Variants in TTC3 observed in about 807,000 individuals in gnomAD.
The protein encoded by TTC3 is E3 ubiquitin-protein ligase TTC3.
TTC3 carries 180 observed loss-of-function variants against 249.6 expected under a neutral mutation model. The ratio of observed to expected loss-of-function variants is 0.72; its 90% confidence interval spans 0.64 to 0.82. TTC3 has a LOEUF of 0.82. TTC3 is among the 40% of genes least tolerant of loss of function. The probability of loss-of-function intolerance (pLI) is 0.00; values close to 1 mark genes in which losing one functional copy is unlikely to be tolerated. For missense variants in TTC3, 2,061 were observed against 2,398.4 expected (o/e 0.86, Z 2.94); for synonymous variants, 717 against 805.0 (o/e 0.89, Z 1.85).
chr21:37,119,263 T>C (rs977894878), intron 11 of TTC3, among the ~76,000 whole-genome samples: 1 of 149,476 alleles, frequency 6.7e-6, no homozygotes, highest in Non-Finnish European at 1.5e-5. Flanking sequence ...GGGCTAATTT[T>C]TTCCCCACTA....
At chr21:37,160,613 T>C (rs2080625896) in intron 29 of TTC3, among the ~76,000 whole-genome samples, 189 bp from the exon 30 acceptor site, 1 of 152,230 alleles carries the variant, frequency 6.6e-6, no homozygotes, top group African/African-American at 2.4e-5. Flanking sequence ...ACATTAGTAT[T>C]ATTAAATTTT....
At chr21:37,108,249 A>G (rs1382016104) in intron 10 of TTC3, 143 bp from the exon 11 acceptor site, 3 of 642,720 alleles carry the variant, frequency 4.7e-6, no homozygotes, top group Non-Finnish European at 7.5e-6. Flanking sequence ...TATAATGGAC[A>G]TATATTATAT....
intron 34 of TTC3, among the ~76,000 whole-genome samples, chr21:37,168,032 T>C (rs1336790114): frequency 1.3e-5 from 2 of 152,096 alleles, no homozygotes; most frequent in East Asian, 3.8e-4. Flanking sequence ...TTCTCTACTA[T>C]AATAATGATT....
exon 12 of TTC3, chr21:37,121,895 A>G (rs1409083093): frequency 6.2e-7 from 1 of 1,613,246 alleles, no homozygotes; most frequent in African/African-American, 1.3e-5. Context: ...AAAAGCTCAA[A>G]AACTCTGTAA....
intron 11 of TTC3, among the ~76,000 whole-genome samples, chr21:37,120,716 C>T (rs577862389): frequency 1.3e-5 from 2 of 152,282 alleles, no homozygotes; most frequent in Admixed American, 6.5e-5. Context: ...TAGAGCCACA[C>T]GGTACCCCAG....
chr21:37,086,208 G>A (rs2072447625), intron 1 of TTC3: 1 of 152,188 alleles, frequency 6.6e-6, no homozygotes, highest in Admixed American at 6.5e-5. Flanking sequence ...TCAAGGACTG[G>A]TAGTGTTCTT....
intron 11 of TTC3, among the ~76,000 whole-genome samples, chr21:37,114,974 T>A (rs8131234): frequency 0.45 from 68,568 of 151,386 alleles, 16,082 homozygotes; most frequent in Non-Finnish European, 0.52. Flanking sequence ...TAGGTGGGAA[T>A]TGAACAATGA....
At chr21:37,122,452 T>TAA (rs2076695980) in intron 12 of TTC3, among the ~76,000 whole-genome samples, 1 of 141,480 alleles carries the variant, frequency 7.1e-6, no homozygotes, top group Non-Finnish European at 1.5e-5. Context: ...TATATATATA[T>TAA]AATGTTTTTT....
chr21:37,130,906 T>C (rs1360293226), intron 16 of TTC3, among the ~76,000 whole-genome samples: 3 of 152,224 alleles, frequency 2.0e-5, no homozygotes, highest in African/African-American at 7.2e-5. Context: ...AAATAATGTA[T>C]AGAAGTTGTT....
At chr21:37,191,861 T>G (rs1054001205) in intron 40 of TTC3, among the ~76,000 whole-genome samples, 1 of 152,350 alleles carries the variant, frequency 6.6e-6, no homozygotes, top group Admixed American at 6.5e-5. Flanking sequence ...AGTGCTGGGA[T>G]TGCAGGTGTG....
At chr21:37,144,573 T>C (rs986125216) in exon 21 of TTC3, 4 of 1,612,804 alleles carry the variant, frequency 2.5e-6, no homozygotes, top group Non-Finnish European at 3.4e-6. Flanking sequence ...CCTTGATTTA[T>C]CGTCTTCCTG....
At position 37,143,663 on chromosome 21, in the gene TTC3, A is replaced by G. The variant is rs554904301; in HGVS notation, c.1773-862A>G. Among the ~76,000 whole-genome samples the G allele has an allele frequency of 7.0e-3, 1,056 of 151,390 alleles. 10 individuals carry two copies. Among genetic ancestry groups the G allele is most frequent in the African/African-American group, 0.024 (1,000 of 41,132 alleles). ...GTTGGTGGGACTGTAAACTAGTTCA[A>G]CCATTGTGGAAGTCAGTGTGGCGAT... On this transcript the variant is annotated intron_variant, in intron 20 of 45. Transcript: ENST00000355666.
chr21:37,198,363 T>G (rs976224537), intron 44 of TTC3, among the ~76,000 whole-genome samples: 1 of 152,226 alleles, frequency 6.6e-6, no homozygotes, highest in African/African-American at 2.4e-5. Context: ...CAGTGTGGTA[T>G]TTTGAACAGT....
At chr21:37,141,911 G>A (rs1010671225) in intron 20 of TTC3, among the ~76,000 whole-genome samples, 2 of 152,186 alleles carry the variant, frequency 1.3e-5, no homozygotes, top group Non-Finnish European at 2.9e-5. Flanking sequence ...CCATGATCAA[G>A]TGGGCTTCAT....
At chr21:37,158,341 C>T in intron 28 of TTC3, 1 of 384,034 alleles carries the variant, frequency 2.6e-6, no homozygotes, top group Non-Finnish European at 3.6e-6. Context: ...ATATAATACA[C>T]AGCACTTCCA....
At chr21:37,186,552 C>G (rs191611905) in intron 37 of TTC3, among the ~76,000 whole-genome samples, 1 of 152,152 alleles carries the variant, frequency 6.6e-6, no homozygotes, top group African/African-American at 2.4e-5. Context: ...GCAATTCTCT[C>G]GCCTCAGCCT....
rs1248813977 is a variant in TTC3, at chr21:37,160,923, A to G, written c.3096+65A>G. ...CCAAAATAGTTAGTTGGACATATAC[A>G]TTAGAATTGAGCAATTCTTGGGATA... On this transcript the variant is annotated intron_variant, in intron 30 of 45. Transcript: ENST00000355666. 72 of 1,461,996 alleles carry G rather than the reference A, an allele frequency of 4.9e-5. No homozygotes were observed. In the East Asian group the frequency reaches 1.4e-3, roughly 28 times the overall value. The allele number at this position is 1,461,996 out of a possible 1,614,324, so 90.6% of individuals were successfully genotyped here.
At chr21:37,186,546 TTC>T (rs1569172357) in intron 37 of TTC3, among the ~76,000 whole-genome samples, 1 of 152,202 alleles carries the variant, frequency 6.6e-6, no homozygotes, top group Non-Finnish European at 1.5e-5. Flanking sequence ...GCTCAAGCAA[TTC>T]TCTCGCCTCA....
chr21:37,141,418 C>CG (rs2078443951), intron 20 of TTC3, among the ~76,000 whole-genome samples: 1 of 151,590 alleles, frequency 6.6e-6, no homozygotes, highest in Non-Finnish European at 1.5e-5. Flanking sequence ...GGAATCCCCC[C>CG]CCCAGCCATC....
Sources: gnomAD v4.1 joint callset for allele counts (sites outside exome capture counted in the v4.1 genomes callset) on GRCh38, gnomAD v4.1.1 for gene constraint, MANE v1.5 for transcripts, NCBI Gene and HGNC (gene_info 2026-07-23, HGNC 2026-07-21) for gene names.